KLKB1: variants seen among roughly 807,000 people sequenced by gnomAD.
KLKB1 encodes kallikrein B1.
In KLKB1, 58 loss-of-function variants were observed where a neutral mutation model predicts 73.6. The observed-to-expected ratio is 0.79, with a 90% CI of 0.64 to 0.98. The LOEUF (loss-of-function observed/expected upper bound fraction) is 0.98. Ranked by LOEUF, KLKB1 falls within the 50% of genes least tolerant of loss-of-function variation. The pLI, the probability that KLKB1 is intolerant of heterozygous loss-of-function variation, is 0.00. For synonymous variants in KLKB1, 280 were observed against 258.1 expected, an observed-to-expected ratio of 1.08 and a Z score of -0.81; for missense variants, 737 against 763.8, an observed-to-expected ratio of 0.96 and a Z score of 0.41.
In KLKB1 at chr4:186,250,326, C is replaced by T. The variant is rs201643294; in HGVS notation, c.682C>T (p.Arg228Trp). The T allele has an allele frequency of 2.5e-5, 41 of 1,613,952 alleles. No homozygotes were observed. Among genetic ancestry groups the T allele is most frequent in the Admixed American group, 1.8e-4 (11 of 60,010 alleles). The change falls in exon 7 of 15, where the codon CGG becomes TGG. Residue 228 changes from arginine to tryptophan, a missense_variant. Physicochemically the swap from Arg to Trp is moderately radical, Grantham distance 101. Coordinates refer to ENST00000264690, the MANE Select transcript of KLKB1 (RefSeq NM_000892.5). ...RVLTPDAFVC[R>W]TICTYHPNCL... ...TCTCACTCCAGATGCTTTTGTGTGT[C>T]GGACCATCTGCACCTATCACCCCAA... is the stretch of plus-strand genomic sequence containing the variant.
At chr4:186,228,287 G>T (rs778601534) in intron 2 of KLKB1, 34 bp downstream of exon 2, 1 of 1,428,724 alleles carries the variant, frequency 7.0e-7, no homozygotes, top group Admixed American at 1.7e-5. Context: ...TGGAATTCAG[G>T]CTAAGACAGG....
upstream of KLKB1, among the ~76,000 whole-genome samples, chr4:186,227,216 G>A (rs1466620302): frequency 2.0e-5 from 3 of 152,092 alleles, no homozygotes; most frequent in Non-Finnish European, 2.9e-5. Context: ...TCTTATTTCT[G>A]TGCTGCAACC....
At chr4:186,215,729 G>A (rs559974421) in intron 2 of KLKB1, among the ~76,000 whole-genome samples, 3 of 152,098 alleles carry the variant, frequency 2.0e-5, no homozygotes, top group South Asian at 4.2e-4. Context: ...GCATGCCACC[G>A]TGCCTGGCTA....
chr4:186,237,424 T>G (rs529271145), intron 5 of KLKB1, among the ~76,000 whole-genome samples: 5 of 152,308 alleles, frequency 3.3e-5, no homozygotes, highest in African/African-American at 1.2e-4. Flanking sequence ...ATAATTCATT[T>G]AATTTCATTT....
Position 186,236,930 on chromosome 4 carries a change from G to C in KLKB1, c.478G>C (p.Ala160Pro), listed in dbSNP as rs368052024. 1.9e-6 allele frequency: 3 copies of C among 1,613,900 alleles called. No individual in the cohort carries two copies. The highest frequency in any genetic ancestry group is 2.5e-6 in the Non-Finnish European group (3 of 1,179,978). The change falls in exon 5 of 15, where the codon GCA becomes CCA. Residue 160 changes from alanine to proline, a missense_variant. Physicochemically the swap from Ala to Pro is conservative, Grantham distance 27 (BLOSUM62 -1). Transcript: ENST00000264690. ...ATATGCCACGCAAACATTTCACAAG[G>C]CAGAGTACCGGTGAGTACAATTCAA... ...FSYATQTFHKAEYRNNCLLKY... is the reference protein window; with the variant it reads ...FSYATQTFHKPEYRNNCLLKY...
At chr4:186,256,343 T>C (rs1738991798) in intron 13 of KLKB1, among the ~76,000 whole-genome samples, 1 of 152,174 alleles carries the variant, frequency 6.6e-6, no homozygotes, top group Non-Finnish European at 1.5e-5. Context: ...ATGAAGCAGA[T>C]TGGGCCCTTC....
chr4:186,252,123 C>CT lies in KLKB1; in HGVS notation c.1251_1252insT (p.Leu418SerfsTer20). ...AGGTGAAGCTGACAGCTCAGAGGCA[C>CT]CTGTGTGGAGGGTCACTCATAGGAC... On this transcript the variant is annotated frameshift_variant, in exon 11 of 15. Coordinates refer to ENST00000264690, the MANE Select transcript of KLKB1 (RefSeq NM_000892.5). LOFTEE classifies it high-confidence loss of function. 1 of 1,614,026 alleles carries CT rather than the reference C, an allele frequency of 6.2e-7. No individual in the cohort carries two copies. Among genetic ancestry groups the CT allele is most frequent in the Non-Finnish European group, 8.5e-7 (1 of 1,180,032 alleles).
chr4:186,240,126 ATAC>A, intron 6 of KLKB1, among the ~76,000 whole-genome samples: 1 of 121,544 alleles, frequency 8.2e-6, no homozygotes. Flanking sequence ...TAGGACAGTG[ATAC>A]TGTTATAGTT....
At chr4:186,224,106 A>C (rs143878422), upstream of KLKB1, among the ~76,000 whole-genome samples, 465 of 152,368 alleles carry the variant, frequency 3.1e-3, 3 homozygotes, top group African/African-American at 0.011. Context: ...GAGTTCACAG[A>C]AAACAAGAGC....
At position 186,212,658 on chromosome 4, in the gene KLKB1, T is replaced by C. The variant is rs886059295; in HGVS notation, c.201+3386T>C. The C allele has an allele frequency of 3.9e-5, 6 of 152,228 alleles. 1 individual carries two copies. Among genetic ancestry groups the C allele is most frequent in the Admixed American group, 2.6e-4 (4 of 15,282 alleles). The allele number at this position is 152,228 out of a possible 1,614,324, so 9.4% of individuals were successfully genotyped here. On this transcript the variant is annotated intron_variant, in intron 2 of 14. Coordinates refer to the KLKB1 transcript ENST00000511608. ...GGAACTGGAAGGACCTTAGAACTTA[T>C]CTGTTATGCTCCTGATAGCCAATAG... is the stretch of plus-strand genomic sequence containing the variant.
At chr4:186,225,355 C>T (rs1737131883), upstream of KLKB1, among the ~76,000 whole-genome samples, 2 of 151,896 alleles carry the variant, frequency 1.3e-5, no homozygotes, top group Non-Finnish European at 2.9e-5. Flanking sequence ...ATGAAGCTTC[C>T]CTTGTATGTG....
At chr4:186,214,402 C>T (rs1511800) in intron 2 of KLKB1, among the ~76,000 whole-genome samples, 122,097 of 152,114 alleles carry the variant, frequency 0.8, 50,406 homozygotes, top group East Asian at 0.93. Context: ...TCAGGTCAGC[C>T]GAAGGATGAA....
At chr4:186,212,717 T>C (rs1736766770) in intron 2 of KLKB1, 1 of 152,332 alleles carries the variant, frequency 6.6e-6, no homozygotes, top group South Asian at 2.1e-4. Context: ...GGGTAGGACA[T>C]GTGTTCTTCA....
In KLKB1 at chr4:186,257,299, A is replaced by G; in HGVS notation, c.1659A>G (p.Gln553=). ...ATGAAGAATGCCAGAAAAGATATCA[A>G]GATTATAAAATAACCCAACGGATGG... ...VTNEECQKRY[Q]DYKITQRMVC... Residue 553 remains glutamine, a synonymous_variant, in exon 14 of 15, where the codon CAA becomes CAG. Coordinates refer to ENST00000264690, the MANE Select transcript of KLKB1 (RefSeq NM_000892.5). 1 of 1,604,434 alleles carries G rather than the reference A, an allele frequency of 6.2e-7. No homozygotes were observed.
At chr4:186,246,528 C>T (rs13134749) in intron 6 of KLKB1, among the ~76,000 whole-genome samples, 17,025 of 151,850 alleles carry the variant, frequency 0.11, 675 homozygotes, top group South Asian at 0.2. Flanking sequence ...GAACCATTGT[C>T]GAGTTTGTAT....
chr4:186,239,607 T>C (rs1279607341), intron 6 of KLKB1, among the ~76,000 whole-genome samples: 3 of 144,726 alleles, frequency 2.1e-5, no homozygotes, highest in African/African-American at 7.6e-5. Context: ...GTTATAGTTA[T>C]AGGAAACTAG....
At chr4:186,254,240 G>T (rs1738862032) in intron 11 of KLKB1, among the ~76,000 whole-genome samples, 8 of 152,250 alleles carry the variant, frequency 5.3e-5, no homozygotes, top group Admixed American at 5.2e-4. Flanking sequence ...GTGGAGCAAT[G>T]AGGTTCAGCT....
Position 186,252,273 on chromosome 4 carries a change from T to A in KLKB1, c.1313+88T>A, listed in dbSNP as rs574022639. 1.8e-5 allele frequency: 25 copies of A among 1,388,946 alleles called. No homozygotes were observed. The South Asian group carries it at 2.3e-4, about 13-fold the overall frequency. The allele number at this position is 1,388,946 out of a possible 1,614,324, so 86.0% of individuals were successfully genotyped here. On this transcript the variant is annotated intron_variant, in intron 11 of 14. Coordinates refer to ENST00000264690, the MANE Select transcript of KLKB1 (RefSeq NM_000892.5). Reference sequence around the variant, plus strand: ...ATCAGCTGCTTCACCGCCATGTGACTTTATGAATAGAGACGTGTTAAAGCG... The same window carrying A: ...ATCAGCTGCTTCACCGCCATGTGACATTATGAATAGAGACGTGTTAAAGCG...
intron 13 of KLKB1, among the ~76,000 whole-genome samples, chr4:186,256,602 C>T (rs1357126278): frequency 1.3e-5 from 2 of 152,114 alleles, no homozygotes; most frequent in Non-Finnish European, 2.9e-5. Context: ...TAATCTGAGA[C>T]AAGAAGAAAT....
Sources: allele counts gnomAD v4.1 joint callset (sites outside exome capture counted in the v4.1 genomes callset), GRCh38; gene constraint gnomAD v4.1.1; transcripts MANE v1.5; gene names NCBI Gene and HGNC (gene_info 2026-07-23, HGNC 2026-07-21).